Variants in PAG1 observed in about 807,000 individuals in gnomAD.
The protein encoded by PAG1 is phosphoprotein membrane anchor with glycosphingolipid microdomains 1.
PAG1 carries 23 observed loss-of-function variants against 31.7 expected under a neutral mutation model. The ratio of observed to expected loss-of-function variants is 0.73; its 90% CI spans 0.52 to 1.03. The LOEUF is 1.03. Ranked by LOEUF, PAG1 falls within the 50% of genes least tolerant of loss-of-function variation. PAG1 has a pLI of 0.00. For missense variants in PAG1, 473 were observed against 540.7 expected (o/e 0.87, Z 1.24); for synonymous variants, 214 against 210.3 (o/e 1.02, Z -0.15).
intron 1 of PAG1, among the ~76,000 whole-genome samples, chr8:81,090,442 C>T (rs1563427037): frequency 1.3e-5 from 2 of 152,198 alleles, no homozygotes; most frequent in Non-Finnish European, 2.9e-5. Context: ...TGATTGGTTC[C>T]TACAGACTAG....
At chr8:81,044,242 T>C (rs1425197629) in intron 2 of PAG1, among the ~76,000 whole-genome samples, 1 of 152,212 alleles carries the variant, frequency 6.6e-6, no homozygotes, top group Non-Finnish European at 1.5e-5. Flanking sequence ...TGACTTCATT[T>C]GGAAATAGGG....
At chr8:81,102,762 T>A (rs1809629318) in intron 1 of PAG1, among the ~76,000 whole-genome samples, 1 of 152,200 alleles carries the variant, frequency 6.6e-6, no homozygotes, top group South Asian at 2.1e-4. Context: ...CTTAGGCTCA[T>A]CCTACATCAT....
At chr8:81,099,044 T>C (rs1022935484) in intron 1 of PAG1, among the ~76,000 whole-genome samples, 2 of 152,236 alleles carry the variant, frequency 1.3e-5, no homozygotes, top group African/African-American at 4.8e-5. Context: ...AACTGACATG[T>C]GGTTAGTTTT....
Position 80,974,980 on chromosome 8 carries a change from T to C in PAG1, c.*1564A>G, listed in dbSNP as rs1425050691. On this transcript the variant is annotated 3_prime_UTR_variant, in exon 9 of 9. Coordinates refer to ENST00000220597, the MANE Select transcript of PAG1 (RefSeq NM_018440.4). ...ATTTCAGCCACTGATGTTTGTAAAA[T>C]ATAGGAAGAAGATTCCAATAGGCAA... 1 of 152,198 alleles carries C rather than the reference T, an allele frequency of 6.6e-6. No individual in the cohort carries two copies. The highest frequency in any genetic ancestry group is 1.5e-5 in the Non-Finnish European group (1 of 68,036). The allele number at this position is 152,198 out of a possible 1,614,324, so 9.4% of individuals were successfully genotyped here.
In PAG1 at chr8:80,987,493, A is replaced by C. The variant is rs766294269; in HGVS notation, c.178-27T>G. ...TGAAAACAAAAACAAAAACAAAAAC[A>C]AATGCATCACATTGCTAAGAATCTG... is the stretch of plus-strand genomic sequence containing the variant. On this transcript the variant is annotated intron_variant, in intron 5 of 8. Coordinates refer to ENST00000220597, the MANE Select transcript of PAG1 (RefSeq NM_018440.4). 5 of 1,491,908 alleles carry C rather than the reference A, an allele frequency of 3.4e-6. No homozygotes were observed. The East Asian group carries it at 1.1e-4, about 34-fold the overall frequency. 92.4% of individuals were successfully genotyped at this position (1,491,908 alleles called of 1,614,324 possible). A position where few individuals can be genotyped will look rare whatever the true frequency, so the allele number is the denominator to read the frequency against.
In PAG1 at chr8:80,970,899, T is replaced by C. The variant is rs541643285; in HGVS notation, c.*5645A>G. The C allele has an allele frequency of 6.5e-6, 1 of 152,692 alleles. No individual in the cohort carries two copies. Among genetic ancestry groups the C allele is most frequent in the East Asian group, 1.9e-4 (1 of 5,180 alleles). The allele number at this position is 152,692 out of a possible 1,614,324, so 9.5% of individuals were successfully genotyped here. A position where few individuals can be genotyped will look rare whatever the true frequency, so the allele number is the denominator to read the frequency against. On this transcript the variant is annotated 3_prime_UTR_variant, in exon 9 of 9. Coordinates refer to ENST00000220597, the MANE Select transcript of PAG1 (RefSeq NM_018440.4). ...TGTGATCCGTACTGGAAAGACATAA[T>C]GGCATGTCCTGTGAACAGCAGATAC...
At chr8:81,006,927 A>G (rs1449537784) in intron 3 of PAG1, among the ~76,000 whole-genome samples, 2 of 152,186 alleles carry the variant, frequency 1.3e-5, no homozygotes, top group East Asian at 1.9e-4. Flanking sequence ...AGCCCTTTGT[A>G]TGTAAGGCAG....
At chr8:81,108,715 G>A (rs1809730757) in intron 1 of PAG1, among the ~76,000 whole-genome samples, 1 of 152,118 alleles carries the variant, frequency 6.6e-6, no homozygotes. Context: ...CTGGAACCCA[G>A]CTGAGAAGTC....
At chr8:81,085,956 G>A (rs1809344446) in intron 1 of PAG1, among the ~76,000 whole-genome samples, 1 of 128,690 alleles carries the variant, frequency 7.8e-6, no homozygotes. Context: ...AAGTAGTTAC[G>A]CTTTTAATCT....
intron 7 of PAG1, among the ~76,000 whole-genome samples, chr8:80,983,570 T>C (rs1807353562): frequency 6.6e-6 from 1 of 152,250 alleles, no homozygotes; most frequent in Admixed American, 6.5e-5. Flanking sequence ...GGGTTGTTTA[T>C]ATAAAGATGA....
chr8:81,017,579 T>C (rs1808092922), intron 3 of PAG1, among the ~76,000 whole-genome samples: 1 of 152,236 alleles, frequency 6.6e-6, no homozygotes, highest in African/African-American at 2.4e-5. Context: ...ACACGTGCTT[T>C]CTGCCCCTCT....
chr8:80,981,486 C>T (rs940327666), intron 7 of PAG1, among the ~76,000 whole-genome samples: 1 of 152,110 alleles, frequency 6.6e-6, no homozygotes, highest in Non-Finnish European at 1.5e-5. Flanking sequence ...GCATCTTCTC[C>T]TCTTCTCCCC....
chr8:81,045,700 A>G (rs1203036912), intron 2 of PAG1, among the ~76,000 whole-genome samples: 1 of 152,266 alleles, frequency 6.6e-6, no homozygotes. Flanking sequence ...AAGATACTAT[A>G]TCTCAATAAG....
At chr8:81,055,996 T>G (rs1302338653) in intron 2 of PAG1, among the ~76,000 whole-genome samples, 1 of 152,196 alleles carries the variant, frequency 6.6e-6, no homozygotes, top group Non-Finnish European at 1.5e-5. Flanking sequence ...AACACTATGT[T>G]GAATAGGAGT....
intron 2 of PAG1, among the ~76,000 whole-genome samples, chr8:81,066,788 C>G (rs1809015721): frequency 6.6e-6 from 1 of 152,164 alleles, no homozygotes; most frequent in Admixed American, 6.5e-5. Flanking sequence ...AATCTTGATA[C>G]TCTGTGAATC....
intron 1 of PAG1, among the ~76,000 whole-genome samples, chr8:81,088,954 T>C (rs557201303): frequency 3.3e-5 from 5 of 152,374 alleles, no homozygotes. Flanking sequence ...AGCATTGTAC[T>C]ACATTCTTAT....
rs1807023787 is a variant in PAG1, at chr8:80,969,105, TCTC to T, written c.*7436_*7438del. ...CTTTCCTGATGCTTTTCACATTGCT[TCTC>T]CTCAAGACATGAGCATTGCTGCAGG... On this transcript the variant is annotated 3_prime_UTR_variant, in exon 9 of 9. Transcript: ENST00000220597. The T allele has an allele frequency of 6.6e-6, 1 of 152,222 alleles. No individual in the cohort carries two copies. The highest frequency in any genetic ancestry group is 1.5e-5 in the Non-Finnish European group (1 of 68,044). 9.4% of individuals were successfully genotyped at this position (152,222 alleles called of 1,614,324 possible).
chr8:81,090,717 T>G (rs1465470211), intron 1 of PAG1, among the ~76,000 whole-genome samples: 1 of 151,804 alleles, frequency 6.6e-6, no homozygotes, highest in Non-Finnish European at 1.5e-5. Context: ...CTCTAGGGAG[T>G]GGTTTATGAA....
At chr8:81,027,386 TAAA>T (rs1411249752) in intron 3 of PAG1, among the ~76,000 whole-genome samples, 1 of 152,082 alleles carries the variant, frequency 6.6e-6, no homozygotes. Flanking sequence ...CTGAGAAACT[TAAA>T]AACAACAAAG....
Sources: allele counts gnomAD v4.1 joint callset (sites outside exome capture counted in the v4.1 genomes callset), GRCh38; gene constraint gnomAD v4.1.1; transcripts MANE v1.5; gene names NCBI Gene and HGNC (gene_info 2026-07-23, HGNC 2026-07-21).